ARHGAP15: variants seen among roughly 807,000 people sequenced by gnomAD.
ARHGAP15 encodes the protein rho GTPase-activating protein 15.
A neutral mutation model predicts 63.7 loss-of-function variants in ARHGAP15; 51 were observed. That is an observed-to-expected ratio of 0.80 (90% CI 0.64 to 1.01). The LOEUF is 1.01. Ranked by LOEUF, ARHGAP15 falls within the 50% of genes least tolerant of loss-of-function variation. ARHGAP15 has a pLI of 0.00. For synonymous variants in ARHGAP15, 191 were observed against 193.8 expected (o/e 0.99, Z 0.12); for missense variants, 560 against 564.6 (o/e 0.99, Z 0.08).
intron 6 of ARHGAP15, among the ~76,000 whole-genome samples, chr2:143,297,623 T>C (rs1431983048): frequency 6.6e-6 from 1 of 151,978 alleles, no homozygotes; most frequent in Non-Finnish European, 1.5e-5. Context: ...AGGTTTGTTA[T>C]GATGAATGTA....
intron 2 of ARHGAP15, among the ~76,000 whole-genome samples, chr2:143,168,800 C>T (rs1263314756): frequency 6.6e-6 from 1 of 152,028 alleles, no homozygotes; most frequent in Non-Finnish European, 1.5e-5. Context: ...ATTTACTTTA[C>T]ATTCTCACTA....
At chr2:143,252,255 T>C (rs1468457032) in intron 6 of ARHGAP15, among the ~76,000 whole-genome samples, 1 of 152,066 alleles carries the variant, frequency 6.6e-6, no homozygotes, top group African/African-American at 2.4e-5. Flanking sequence ...GAAAAAATTA[T>C]GTATATTTTT....
At chr2:143,150,732 T>C (rs528052346) in intron 1 of ARHGAP15, among the ~76,000 whole-genome samples, 2 of 152,132 alleles carry the variant, frequency 1.3e-5, no homozygotes, top group East Asian at 3.9e-4. Context: ...CAGTGCTCTG[T>C]ATGCCTCCTG....
intron 2 of ARHGAP15, among the ~76,000 whole-genome samples, chr2:143,189,823 T>C (rs1343157020): frequency 6.6e-6 from 1 of 152,102 alleles, no homozygotes; most frequent in African/African-American, 2.4e-5. Context: ...AGCTATTTTT[T>C]CCTCCAGAAA....
chr2:143,533,084 C>T (rs138892548), intron 10 of ARHGAP15, among the ~76,000 whole-genome samples: 3 of 152,308 alleles, frequency 2.0e-5, no homozygotes, highest in South Asian at 2.1e-4. Flanking sequence ...CACAATGACA[C>T]ATTAGAATGA....
intron 3 of ARHGAP15, among the ~76,000 whole-genome samples, chr2:143,209,557 T>A (rs868406774): frequency 1.3e-5 from 2 of 148,368 alleles, no homozygotes; most frequent in Non-Finnish European, 1.5e-5. Context: ...TGTGCTATGA[T>A]AAAAAAAAAA....
chr2:143,622,699 C>A (rs1320665443), intron 11 of ARHGAP15, among the ~76,000 whole-genome samples: 3 of 149,522 alleles, frequency 2.0e-5, no homozygotes, highest in African/African-American at 4.9e-5. Flanking sequence ...AACAGATTCA[C>A]CTTCATGTCT....
intron 10 of ARHGAP15, among the ~76,000 whole-genome samples, chr2:143,529,414 A>T (rs960071983): frequency 3.3e-5 from 5 of 151,902 alleles, no homozygotes; most frequent in Non-Finnish European, 7.4e-5. Context: ...CTTTGTTCTT[A>T]TTTCTGCCCA....
chr2:143,540,648 C>G (rs1003754062), intron 10 of ARHGAP15, among the ~76,000 whole-genome samples: 11 of 152,236 alleles, frequency 7.2e-5, no homozygotes, highest in African/African-American at 2.4e-4. Flanking sequence ...CTTAGTTTGG[C>G]TGGATATGAA....
rs150359157 is a variant in ARHGAP15, at chr2:143,577,263, C to T, written c.1003+20778C>T. On this transcript the variant is annotated intron_variant, in intron 11 of 13. Transcript: ENST00000295095. Reference sequence around the variant, plus strand: ...TCCTCATACGAGCTAAAATGTAATCCCCTTCACTGGGGACTGTAAAGAAAT... The same window carrying T: ...TCCTCATACGAGCTAAAATGTAATCTCCTTCACTGGGGACTGTAAAGAAAT... Among the ~76,000 whole-genome samples the T allele has an allele frequency of 2.0e-5, 3 of 152,020 alleles. No homozygotes were observed. In the East Asian group the frequency reaches 5.8e-4, roughly 29 times the overall value.
intron 8 of ARHGAP15, among the ~76,000 whole-genome samples, chr2:143,485,160 G>C (rs1302948187): frequency 6.6e-6 from 1 of 152,136 alleles, no homozygotes; most frequent in Non-Finnish European, 1.5e-5. Flanking sequence ...GTGCCATGGT[G>C]GTTTGCTGCA....
chr2:143,144,660 C>T (rs978195079), intron 1 of ARHGAP15, among the ~76,000 whole-genome samples: 8 of 152,044 alleles, frequency 5.3e-5, no homozygotes, highest in South Asian at 4.1e-4. Context: ...TTTTCATGCA[C>T]CTATGTGTCT....
chr2:143,767,532 ATACTT>A (rs1246027606), intron 13 of ARHGAP15, among the ~76,000 whole-genome samples: 1 of 152,234 alleles, frequency 6.6e-6, no homozygotes, highest in Non-Finnish European at 1.5e-5. Context: ...TTTGCCAGGA[ATACTT>A]TACTCAACAC....
chr2:143,342,037 G>A (rs77410437), intron 6 of ARHGAP15, among the ~76,000 whole-genome samples: 1,701 of 152,160 alleles, frequency 0.011, 29 homozygotes, highest in South Asian at 0.095. Flanking sequence ...CAATGCCCAT[G>A]CATTAATGGT....
intron 13 of ARHGAP15, among the ~76,000 whole-genome samples, chr2:143,707,523 G>A (rs989295206): frequency 2.0e-5 from 3 of 152,196 alleles, no homozygotes; most frequent in Admixed American, 6.5e-5. Flanking sequence ...ATTAATCAAG[G>A]CCTCTATATG....
intron 12 of ARHGAP15, among the ~76,000 whole-genome samples, chr2:143,635,194 CTTTTTTTTTT>C (rs10558886): frequency 1.0e-3 from 27 of 26,886 alleles, no homozygotes; most frequent in African/African-American, 2.4e-3. Context: ...CTCTCAGGAG[CTTTTTTTTTT>C]TTTTTTTTTT....
intron 13 of ARHGAP15, among the ~76,000 whole-genome samples, chr2:143,744,791 T>C (rs1384950195): frequency 6.6e-6 from 1 of 152,130 alleles, no homozygotes; most frequent in Admixed American, 6.5e-5. Context: ...CCTACAACCA[T>C]GGAAAGGCCT....
chr2:143,601,077 C>T (rs760213076), intron 11 of ARHGAP15, among the ~76,000 whole-genome samples: 11 of 152,078 alleles, frequency 7.2e-5, no homozygotes, highest in African/African-American at 1.2e-4. Flanking sequence ...GGCTGAAGAA[C>T]ATGGATGGCG....
At chr2:143,463,858 G>T (rs999776617) in intron 8 of ARHGAP15, among the ~76,000 whole-genome samples, 5 of 152,120 alleles carry the variant, frequency 3.3e-5, no homozygotes, top group African/African-American at 1.2e-4. Context: ...CCCTAGCTAG[G>T]TTGACATATT....
Sources: gnomAD v4.1 joint callset for allele counts (sites outside exome capture counted in the v4.1 genomes callset) on GRCh38, gnomAD v4.1.1 for gene constraint, MANE v1.5 for transcripts, NCBI Gene and HGNC (gene_info 2026-07-23, HGNC 2026-07-21) for gene names.